The following SDK1 variants were observed in gnomAD, a reference collection of about 807,000 sequenced individuals.
SDK1 encodes sidekick cell adhesion molecule 1, also known as protein sidekick-1.
A neutral mutation model predicts 245.5 loss-of-function variants in SDK1; 157 were observed. The ratio of observed to expected loss-of-function variants is 0.64; its 90% CI spans 0.56 to 0.73. SDK1 has a LOEUF of 0.73. SDK1 is among the 30% of genes least tolerant of loss of function. The pLI is 0.00. For missense variants in SDK1, 3,583 were observed against 3,002.3 expected, an observed-to-expected ratio of 1.19 and a Z score of -4.52; for synonymous variants, 1,647 against 1,278.5, an observed-to-expected ratio of 1.29 and a Z score of -6.15.
At chr7:3,640,735 G>A (rs963555843) in intron 3 of SDK1, among the ~76,000 whole-genome samples, 4 of 151,626 alleles carry the variant, frequency 2.6e-5, no homozygotes, top group African/African-American at 9.7e-5. Flanking sequence ...CCAGGCTGGA[G>A]TGCAGTGGCA....
chr7:3,919,859 G>C (rs968622193), intron 5 of SDK1, among the ~76,000 whole-genome samples: 1 of 152,164 alleles, frequency 6.6e-6, no homozygotes, highest in South Asian at 2.1e-4. Context: ...GGACCTCAGG[G>C]AGGTCACATC....
intron 28 of SDK1, among the ~76,000 whole-genome samples, chr7:4,140,813 T>G (rs1311415435): frequency 6.6e-6 from 1 of 152,060 alleles, no homozygotes; most frequent in Non-Finnish European, 1.5e-5. Context: ...AAAAAATGAT[T>G]AATAGAGGCC....
chr7:3,699,887 A>G (rs1784691098), intron 4 of SDK1, among the ~76,000 whole-genome samples: 1 of 152,244 alleles, frequency 6.6e-6, no homozygotes, highest in African/African-American at 2.4e-5. Flanking sequence ...AGAAATGCAC[A>G]TCAAGAAACA....
At chr7:4,234,544 A>G (rs1402915861) in intron 41 of SDK1, among the ~76,000 whole-genome samples, 1 of 152,090 alleles carries the variant, frequency 6.6e-6, no homozygotes, top group East Asian at 1.9e-4. Flanking sequence ...AGTCCTGGTC[A>G]CTGAAGAGCC....
At chr7:3,809,886 C>A (rs1053591544) in intron 4 of SDK1, among the ~76,000 whole-genome samples, 1 of 152,196 alleles carries the variant, frequency 6.6e-6, no homozygotes, top group South Asian at 2.1e-4. Flanking sequence ...TCGAGAATTA[C>A]CAGCCCCAGG....
chr7:3,396,916 T>C (rs1001214592), intron 1 of SDK1, among the ~76,000 whole-genome samples: 2 of 151,724 alleles, frequency 1.3e-5, no homozygotes, highest in Non-Finnish European at 3.0e-5. Flanking sequence ...ATAAATGTTA[T>C]ATATTTTTTG....
intron 4 of SDK1, among the ~76,000 whole-genome samples, chr7:3,803,546 A>G (rs1779165228): frequency 1.3e-5 from 2 of 151,684 alleles, no homozygotes; most frequent in South Asian, 4.2e-4. Flanking sequence ...CCTGACCTCA[A>G]GTGACTCACC....
intron 1 of SDK1, among the ~76,000 whole-genome samples, chr7:3,370,805 G>C (rs1320884466): frequency 1.3e-5 from 2 of 152,130 alleles, no homozygotes; most frequent in East Asian, 1.9e-4. Context: ...CATAGCTTTG[G>C]GAGGCCTTGG....
chr7:4,111,608 G>A (rs1173266854), intron 23 of SDK1, among the ~76,000 whole-genome samples: 2 of 151,784 alleles, frequency 1.3e-5, no homozygotes, highest in African/African-American at 4.8e-5. Context: ...GACAAATCAG[G>A]ACACAATACA....
At chr7:3,863,696 T>C (rs1202446439) in intron 5 of SDK1, among the ~76,000 whole-genome samples, 4 of 152,262 alleles carry the variant, frequency 2.6e-5, no homozygotes, top group African/African-American at 9.6e-5. Flanking sequence ...TATGAGTCCT[T>C]TTATGACTGG....
chr7:3,468,032 C>T, intron 1 of SDK1, among the ~76,000 whole-genome samples: 1 of 151,560 alleles, frequency 6.6e-6, no homozygotes, highest in South Asian at 2.1e-4. Context: ...ATAATGTAAT[C>T]TATGCAAGAA....
At chr7:3,713,570 C>T (rs957073392) in intron 4 of SDK1, among the ~76,000 whole-genome samples, 1 of 152,114 alleles carries the variant, frequency 6.6e-6, no homozygotes, top group African/African-American at 2.4e-5. Context: ...GTCTAGACTT[C>T]AGTATTTATA....
chr7:4,176,661 A>G (rs965469223), intron 34 of SDK1, among the ~76,000 whole-genome samples: 9 of 152,108 alleles, frequency 5.9e-5, no homozygotes, highest in African/African-American at 1.7e-4. Flanking sequence ...ACCCCTCCCC[A>G]CCAGCATCCA....
At chr7:3,774,771 C>T (rs916004428) in intron 4 of SDK1, among the ~76,000 whole-genome samples, 1 of 152,280 alleles carries the variant, frequency 6.6e-6, no homozygotes, top group Non-Finnish European at 1.5e-5. Context: ...GTTTTATGAT[C>T]TTCTCCTGAA....
chr7:3,707,251 G>C (rs893058507), intron 4 of SDK1, among the ~76,000 whole-genome samples: 1 of 152,140 alleles, frequency 6.6e-6, no homozygotes, highest in Admixed American at 6.5e-5. Flanking sequence ...GATAACTTGT[G>C]TCACTGTTAT....
In SDK1 at chr7:4,153,641, A is replaced by G. The variant is rs551659158; in HGVS notation, c.4625+4178A>G. ...CAAGGATATGATACATGAGCTTGAT[A>G]TTCTTTGTGATACAATAGTGAGGTC... On this transcript the variant is annotated intron_variant, in intron 30 of 44. Transcript: ENST00000404826. 7.7e-4 allele frequency among the ~76,000 whole-genome samples: 118 copies of G among 152,258 alleles called. 1 individual carries two copies. Among genetic ancestry groups the G allele is most frequent in the African/African-American group, 2.7e-3 (112 of 41,552 alleles).
At chr7:3,334,057 G>C (rs1412638330) in intron 1 of SDK1, among the ~76,000 whole-genome samples, 3 of 152,164 alleles carry the variant, frequency 2.0e-5, no homozygotes, top group African/African-American at 7.2e-5. Flanking sequence ...TCTTAACCCA[G>C]TTGGACCATA....
intron 4 of SDK1, among the ~76,000 whole-genome samples, chr7:3,764,321 AC>A (rs923267766): frequency 5.9e-5 from 9 of 151,860 alleles, no homozygotes; most frequent in African/African-American, 1.7e-4. Flanking sequence ...TGGACAAAAT[AC>A]CCCCCTTTTT....
At chr7:3,364,629 T>G (rs1387494576) in intron 1 of SDK1, among the ~76,000 whole-genome samples, 1 of 152,210 alleles carries the variant, frequency 6.6e-6, no homozygotes, top group Non-Finnish European at 1.5e-5. Flanking sequence ...TCTATTTCAT[T>G]GATCTGTGTA....
Sources: gnomAD v4.1 joint callset for allele counts (sites outside exome capture counted in the v4.1 genomes callset) on GRCh38, gnomAD v4.1.1 for gene constraint, MANE v1.5 for transcripts, NCBI Gene and HGNC (gene_info 2026-07-23, HGNC 2026-07-21) for gene names.